Variants in BCAT1 observed in about 807,000 individuals in gnomAD.
The protein encoded by BCAT1 is branched-chain-amino-acid aminotransferase, cytosolic.
In BCAT1, 48 loss-of-function variants were observed where a neutral mutation model predicts 52.4. That is an observed-to-expected ratio of 0.92 (90% CI 0.73 to 1.16). The LOEUF (loss-of-function observed/expected upper bound fraction) is 1.16, where lower values mean the gene tolerates loss of function less well. Among genes scored for constraint, BCAT1 ranks in the 50% most tolerant of loss-of-function variants. The probability of loss-of-function intolerance (pLI) is 0.00; values close to 1 mark genes in which losing one functional copy is unlikely to be tolerated. For synonymous variants in BCAT1, 167 were observed against 161.3 expected (o/e 1.04, Z -0.27); for missense variants, 451 against 457.1 (o/e 0.99, Z 0.12).
chr12:24,813,765 T>A lies in BCAT1; in HGVS notation c.*4243A>T, dbSNP rs1292292764. 6.6e-6 allele frequency: 1 copy of A among 152,036 alleles called. No homozygotes were observed. Among genetic ancestry groups the A allele is most frequent in the East Asian group, 1.9e-4 (1 of 5,196 alleles). 9.4% of individuals were successfully genotyped at this position (152,036 alleles called of 1,614,324 possible). On this transcript the variant is annotated 3_prime_UTR_variant, in exon 11 of 11. Coordinates refer to ENST00000261192, the MANE Select transcript of BCAT1 (RefSeq NM_005504.7). ...GGATAAAGTTGCTTTAAAAATGAGA[T>A]AAACTATTCATTGATTTCTTGATAA... is the stretch of plus-strand genomic sequence containing the variant.
intron 10 of BCAT1, among the ~76,000 whole-genome samples, chr12:24,822,377 T>C (rs763041563): frequency 6.6e-6 from 1 of 152,312 alleles, no homozygotes; most frequent in Admixed American, 6.5e-5. Context: ...CCCTGAGCCA[T>C]ACTGGCAAGA....
At chr12:24,865,212 T>C (rs1228675839) in intron 5 of BCAT1, among the ~76,000 whole-genome samples, 1 of 152,206 alleles carries the variant, frequency 6.6e-6, no homozygotes, top group Non-Finnish European at 1.5e-5. Flanking sequence ...TTCACATCTA[T>C]AGTACCTACA....
rs992631052 is a variant in BCAT1, at chr12:24,834,128, C to T, written c.904-1265G>A. On this transcript the variant is annotated intron_variant, in intron 8 of 10. Transcript: ENST00000261192. Reference sequence around the variant, plus strand: ...GTTGTGAGCCACTGTGCACGGCTTACCTATATCTTTTATGGAATAAAGAAC... The same window carrying T: ...GTTGTGAGCCACTGTGCACGGCTTATCTATATCTTTTATGGAATAAAGAAC... 9 of 979,254 alleles carry T rather than the reference C, an allele frequency of 9.2e-6. No homozygotes were observed. In the African/African-American group the frequency reaches 1.4e-4, roughly 15 times the overall value. 60.7% of individuals were successfully genotyped at this position (979,254 alleles called of 1,614,324 possible). A position where few individuals can be genotyped will look rare whatever the true frequency, so the allele number is the denominator to read the frequency against.
chr12:24,928,903 T>C (rs1943637431), intron 1 of BCAT1, among the ~76,000 whole-genome samples: 1 of 89,092 alleles, frequency 1.1e-5, no homozygotes, highest in South Asian at 6.4e-4. Flanking sequence ...CCCGGCTAAT[T>C]TTTTTTATTT....
At chr12:24,935,452 C>A (rs951335263) in intron 1 of BCAT1, among the ~76,000 whole-genome samples, 7 of 152,114 alleles carry the variant, frequency 4.6e-5, no homozygotes, top group Admixed American at 3.3e-4. Flanking sequence ...CCCCGTCAGA[C>A]CCCTAGTCCA....
chr12:24,937,225 C>T (rs1943772240), intron 1 of BCAT1, among the ~76,000 whole-genome samples: 1 of 151,484 alleles, frequency 6.6e-6, no homozygotes, highest in Non-Finnish European at 1.5e-5. Flanking sequence ...AAGTAGCATC[C>T]AATCTGAGGT....
chr12:24,872,714 G>C (rs1348480821), intron 5 of BCAT1, among the ~76,000 whole-genome samples: 1 of 152,238 alleles, frequency 6.6e-6, no homozygotes, highest in African/African-American at 2.4e-5. Flanking sequence ...GTGGTGGACA[G>C]CCTGGGATCT....
chr12:24,836,908 G>GAA (rs63356762), intron 7 of BCAT1, among the ~76,000 whole-genome samples: 4,717 of 40,804 alleles, frequency 0.12, 623 homozygotes, highest in African/African-American at 0.16. Context: ...AAAAGAAAGA[G>GAA]AGAAAGAAAG....
intron 5 of BCAT1, among the ~76,000 whole-genome samples, chr12:24,873,086 C>T (rs557379622): frequency 2.2e-4 from 33 of 152,300 alleles, no homozygotes; most frequent in African/African-American, 7.5e-4. Context: ...CTCAACAGGA[C>T]GAGGTTAAAA....
At chr12:24,857,452 A>T (rs990801475) in intron 5 of BCAT1, among the ~76,000 whole-genome samples, 1 of 151,568 alleles carries the variant, frequency 6.6e-6, no homozygotes, top group Admixed American at 6.6e-5. Context: ...GTTAAAAGTC[A>T]GCTTAATTAA....
At chr12:24,826,490 T>G (rs1480792618) in intron 10 of BCAT1, among the ~76,000 whole-genome samples, 1 of 152,198 alleles carries the variant, frequency 6.6e-6, no homozygotes, top group Non-Finnish European at 1.5e-5. Context: ...GTCCCACTGG[T>G]CTACTATGTC....
chr12:24,898,245 T>C (rs929308041), intron 2 of BCAT1, among the ~76,000 whole-genome samples: 2 of 152,234 alleles, frequency 1.3e-5, no homozygotes, highest in African/African-American at 4.8e-5. Context: ...TTCTTCTGCA[T>C]AATTAATCTG....
intron 1 of BCAT1, among the ~76,000 whole-genome samples, chr12:24,942,797 G>C (rs1943868641): frequency 6.6e-6 from 1 of 152,210 alleles, no homozygotes; most frequent in Non-Finnish European, 1.5e-5. Flanking sequence ...ACTAGTTGAA[G>C]ATCGAAGAAA....
intron 1 of BCAT1, among the ~76,000 whole-genome samples, chr12:24,908,768 T>C (rs889869765): frequency 1.3e-5 from 2 of 152,184 alleles, no homozygotes; most frequent in Non-Finnish European, 1.5e-5. Context: ...TTAAAAATTT[T>C]TTCAAATGTA....
intron 1 of BCAT1, chr12:24,903,063 G>T: frequency 1.4e-6 from 2 of 1,393,406 alleles, no homozygotes; most frequent in Non-Finnish European, 1.8e-6. Context: ...GAAAGCAGGC[G>T]GTGTGGCCAA....
chr12:24,928,732 T>C (rs1943633770), intron 1 of BCAT1, among the ~76,000 whole-genome samples: 1 of 145,678 alleles, frequency 6.9e-6, no homozygotes, highest in Non-Finnish European at 1.6e-5. Context: ...GTTGTTGTTG[T>C]TGTTGTTGTT....
intron 1 of BCAT1, among the ~76,000 whole-genome samples, chr12:24,905,006 A>AT (rs1268296967): frequency 2.0e-5 from 3 of 152,330 alleles, no homozygotes; most frequent in African/African-American, 7.2e-5. Flanking sequence ...GATTAAAGAA[A>AT]TTTACTAAAG....
rs536795823 is a variant in BCAT1, at chr12:24,816,654, A to G, written c.*1354T>C. The G allele has an allele frequency of 5.0e-6, 2 of 396,594 alleles. No individual in the cohort carries two copies. The highest frequency in any genetic ancestry group is 8.9e-6 in the Non-Finnish European group (2 of 225,188). The allele number at this position is 396,594 out of a possible 1,614,324, so 24.6% of individuals were successfully genotyped here. ...TTGACATAAAACATTTGTCATTTCC[A>G]TTTGGTTGGTATGATATCATGACCT... On this transcript the variant is annotated 3_prime_UTR_variant, in exon 11 of 11. Coordinates refer to ENST00000261192, the MANE Select transcript of BCAT1 (RefSeq NM_005504.7).
At chr12:24,848,869 C>T (rs890942473) in intron 6 of BCAT1, among the ~76,000 whole-genome samples, 1 of 152,092 alleles carries the variant, frequency 6.6e-6, no homozygotes, top group Admixed American at 6.5e-5. Context: ...CTTTTATAAC[C>T]GTTCTTTTTT....
Sources: allele counts gnomAD v4.1 joint callset (sites outside exome capture counted in the v4.1 genomes callset), GRCh38; gene constraint gnomAD v4.1.1; transcripts MANE v1.5; gene names NCBI Gene and HGNC (gene_info 2026-07-23, HGNC 2026-07-21).